BMPR2: variants seen among roughly 807,000 people sequenced by gnomAD.
BMPR2 encodes the protein bone morphogenetic protein receptor type 2.
Under a neutral mutation model 100.8 loss-of-function variants are expected in BMPR2, and 29 were observed. The ratio of observed to expected loss-of-function variants is 0.29; its 90% CI spans 0.21 to 0.39. The LOEUF is 0.39. Ranked by LOEUF, BMPR2 falls within the 10% of genes least tolerant of loss-of-function variation. BMPR2 has a pLI of 1.00. For synonymous variants in BMPR2, 382 were observed against 442.3 expected, an observed-to-expected ratio of 0.86 and a Z score of 1.71; for missense variants, 1,011 against 1,274.5, an observed-to-expected ratio of 0.79 and a Z score of 3.15.
chr2:202,548,160 T>G (rs1473047983), intron 10 of BMPR2, among the ~76,000 whole-genome samples: 1 of 152,190 alleles, frequency 6.6e-6, no homozygotes, highest in African/African-American at 2.4e-5. Flanking sequence ...ATAGTACATT[T>G]CAGAAGAAAC....
chr2:202,440,790 A>G (rs1691722418), intron 1 of BMPR2, among the ~76,000 whole-genome samples: 1 of 150,148 alleles, frequency 6.7e-6, no homozygotes, highest in African/African-American at 2.5e-5. Flanking sequence ...GACCGGGGAG[A>G]CCGGGGAGAC....
At position 202,561,461 on chromosome 2, in the gene BMPR2, T is replaced by C. The variant is rs1437424130; in HGVS notation, c.*1515T>C. On this transcript the variant is annotated 3_prime_UTR_variant, in exon 13 of 13. Coordinates refer to ENST00000374580, the MANE Select transcript of BMPR2 (RefSeq NM_001204.7). ...TAAAACAACCTCTGCATGTTTTTTTTAAATAAAGCACTTTCTGTCAAATAA... is the reference window on the plus strand; with the variant it reads ...TAAAACAACCTCTGCATGTTTTTTTCAAATAAAGCACTTTCTGTCAAATAA... The C allele has an allele frequency of 6.6e-6, 1 of 152,140 alleles. No homozygotes were observed. The highest frequency in any genetic ancestry group is 1.5e-5 in the Non-Finnish European group (1 of 67,998). The allele number at this position is 152,140 out of a possible 1,614,324, so 9.4% of individuals were successfully genotyped here.
At chr2:202,397,180 C>G (rs1690671835) in intron 1 of BMPR2, among the ~76,000 whole-genome samples, 1 of 152,122 alleles carries the variant, frequency 6.6e-6, no homozygotes, top group African/African-American at 2.4e-5. Flanking sequence ...ATAAATAATA[C>G]TTTTTCCTCA....
chr2:202,504,678 C>CTTTTTTTTTTTTTTTTTTT (rs144161668), intron 3 of BMPR2, among the ~76,000 whole-genome samples: 3 of 112,474 alleles, frequency 2.7e-5, no homozygotes, highest in African/African-American at 1.0e-4. Context: ...ATAGTAGATT[C>CTTTTTTTTTTTTTTTTTTT]TTTTTTTTTT....
intron 1 of BMPR2, among the ~76,000 whole-genome samples, chr2:202,378,464 T>C (rs1318071482): frequency 6.6e-6 from 1 of 152,214 alleles, no homozygotes; most frequent in Non-Finnish European, 1.5e-5. Context: ...AAGGACCAAA[T>C]GACCCTTTCG....
At chr2:202,380,965 CTTTTTTTTT>C (rs1159400445) in intron 1 of BMPR2, among the ~76,000 whole-genome samples, 14 of 70,780 alleles carry the variant, frequency 2.0e-4, no homozygotes, top group African/African-American at 2.9e-4. Context: ...TTCTTTCTTT[CTTTTTTTTT>C]TTTTTTTTTT....
intron 9 of BMPR2, among the ~76,000 whole-genome samples, chr2:202,538,913 AAAT>A (rs1454551027): frequency 2.0e-5 from 3 of 152,290 alleles, no homozygotes; most frequent in South Asian, 4.1e-4. Flanking sequence ...AGACAATTAA[AAAT>A]AATAAATAAG....
intron 1 of BMPR2, among the ~76,000 whole-genome samples, chr2:202,411,122 G>A (rs1037269238): frequency 6.6e-6 from 1 of 152,094 alleles, no homozygotes; most frequent in South Asian, 2.1e-4. Context: ...AAGAAACACG[G>A]TATTTAAATA....
intron 1 of BMPR2, among the ~76,000 whole-genome samples, chr2:202,401,911 T>G (rs1217879184): frequency 6.6e-6 from 1 of 152,266 alleles, no homozygotes; most frequent in Non-Finnish European, 1.5e-5. Flanking sequence ...ATCACAGTGA[T>G]TGCTTAAAAT....
At chr2:202,427,929 A>T (rs1324557085) in intron 1 of BMPR2, among the ~76,000 whole-genome samples, 1 of 152,176 alleles carries the variant, frequency 6.6e-6, no homozygotes, top group Non-Finnish European at 1.5e-5. Context: ...CAGTGAGCTG[A>T]GATCATGCCA....
At chr2:202,393,610 A>C (rs916589268) in intron 1 of BMPR2, among the ~76,000 whole-genome samples, 3 of 152,112 alleles carry the variant, frequency 2.0e-5, no homozygotes, top group African/African-American at 7.2e-5. Context: ...CAGTAGTTTT[A>C]ATGTTAGAAA....
chr2:202,555,723 G>A lies in BMPR2; in HGVS notation c.2058G>A (p.Met686Ile). ...AGGAAAGCTCTGATGAGAATCTCATGGAGCACTCTCTTAAACAGTTCAGTG... is the reference window on the plus strand; with the variant it reads ...AGGAAAGCTCTGATGAGAATCTCATAGAGCACTCTCTTAAACAGTTCAGTG... ...NLKESSDENL[M>I]EHSLKQFSGP... The change falls in exon 12 of 13, where the codon ATG (methionine) becomes ATA (isoleucine). Residue 686 changes from methionine to isoleucine, a missense_variant. Met to Ile is a conservative substitution (Grantham distance 10). Transcript: ENST00000374580. 1 of 1,614,150 alleles carries A rather than the reference G, an allele frequency of 6.2e-7. No homozygotes were observed. Among genetic ancestry groups the A allele is most frequent in the East Asian group, 2.2e-5 (1 of 44,890 alleles).
rs558378800 is a variant in BMPR2 at position 202,402,526 on chromosome 2, AAAAC to A, written c.76+24988_76+24991del. Among the ~76,000 whole-genome samples, 60 of 152,264 alleles carry A rather than the reference AAAAC, an allele frequency of 3.9e-4. No homozygotes were observed. In the South Asian group the frequency reaches 9.3e-3, roughly 24 times the overall value. ...AGTAAGACTCCGTCTCAAAAAACAAAAAACAAACAAACAAAAGAAAGAATTAATT... is the reference window on the plus strand; with the variant it reads ...AGTAAGACTCCGTCTCAAAAAACAAAAAACAAACAAAAGAAAGAATTAATT... On this transcript the variant is annotated intron_variant, in intron 1 of 12. Transcript: ENST00000374580.
chr2:202,536,271 C>T (rs1165602498), intron 9 of BMPR2, among the ~76,000 whole-genome samples: 1 of 151,950 alleles, frequency 6.6e-6, no homozygotes, highest in Non-Finnish European at 1.5e-5. Flanking sequence ...CACCACCAAG[C>T]CTGGTTCATT....
chr2:202,377,011 C>T lies in BMPR2; in HGVS notation c.-464C>T, dbSNP rs1202002002. ...CGATGCGACTAGGGCTGCCGGGCGCCGCCGCCGCCCGTCCGGCTTCGTCCT... is the reference window on the plus strand; with the variant it reads ...CGATGCGACTAGGGCTGCCGGGCGCTGCCGCCGCCCGTCCGGCTTCGTCCT... On this transcript the variant is annotated 5_prime_UTR_variant, in exon 1 of 13. Transcript: ENST00000374580. 1 of 463,250 alleles carries T rather than the reference C, an allele frequency of 2.2e-6. No homozygotes were observed. The highest frequency in any genetic ancestry group is 3.8e-6 in the Non-Finnish European group (1 of 265,100). The allele number at this position is 463,250 out of a possible 1,614,324, so 28.7% of individuals were successfully genotyped here.
chr2:202,536,323 A>C (rs1688157116), intron 9 of BMPR2, among the ~76,000 whole-genome samples: 1 of 151,976 alleles, frequency 6.6e-6, no homozygotes, highest in Non-Finnish European at 1.5e-5. Flanking sequence ...CATGTTGCTC[A>C]GGCTGGTCTC....
At chr2:202,443,948 T>G (rs561853756) in intron 1 of BMPR2, among the ~76,000 whole-genome samples, 12 of 150,630 alleles carry the variant, frequency 8.0e-5, no homozygotes, top group African/African-American at 2.3e-4. Context: ...TTGACAAATG[T>G]TGGTGGTACT....
chr2:202,418,303 A>G (rs1283106470), intron 1 of BMPR2, among the ~76,000 whole-genome samples: 1 of 152,202 alleles, frequency 6.6e-6, no homozygotes, highest in African/African-American at 2.4e-5. Flanking sequence ...TCTGGTTCCA[A>G]AGTCTGCAGA....
At chr2:202,538,314 G>A (rs1688202560) in intron 9 of BMPR2, among the ~76,000 whole-genome samples, 1 of 151,728 alleles carries the variant, frequency 6.6e-6, no homozygotes, top group Non-Finnish European at 1.5e-5. Flanking sequence ...AAATCAGCTG[G>A]TCGTGGTGGC....
Sources: gnomAD v4.1 joint callset for allele counts (sites outside exome capture counted in the v4.1 genomes callset) on GRCh38, gnomAD v4.1.1 for gene constraint, MANE v1.5 for transcripts, NCBI Gene and HGNC (gene_info 2026-07-23, HGNC 2026-07-21) for gene names.